Variants in AP3S1 observed in about 807,000 individuals in gnomAD.
AP3S1 encodes AP-3 complex subunit sigma-1.
A neutral mutation model predicts 21.3 loss-of-function variants in AP3S1; 12 were observed. The observed-to-expected ratio is 0.56, with a 90% CI of 0.36 to 0.91. The LOEUF (loss-of-function observed/expected upper bound fraction) is 0.91, where lower values mean the gene tolerates loss of function less well. Among genes scored for constraint, AP3S1 ranks in the 40% least tolerant of loss-of-function variants. The probability of loss-of-function intolerance (pLI) is 0.01; values close to 1 mark genes in which losing one functional copy is unlikely to be tolerated. For synonymous variants in AP3S1, 48 were observed against 78.4 expected, an observed-to-expected ratio of 0.61 and a Z score of 2.05; for missense variants, 116 against 225.0, an observed-to-expected ratio of 0.52 and a Z score of 3.10.
At chr5:115,842,851 A>G (rs1223786460) in intron 1 of AP3S1, among the ~76,000 whole-genome samples, 1 of 152,168 alleles carries the variant, frequency 6.6e-6, no homozygotes, top group Admixed American at 6.5e-5. Context: ...TTTGTAGTTG[A>G]CTGATTGGAG....
chr5:115,887,357 T>A, intron 3 of AP3S1, among the ~76,000 whole-genome samples: 1 of 31,972 alleles, frequency 3.1e-5, no homozygotes, highest in Admixed American at 5.2e-4. Flanking sequence ...AACATGTCAG[T>A]GTAACCCTTT....
intron 3 of AP3S1, among the ~76,000 whole-genome samples, chr5:115,893,246 C>T (rs1451394828): frequency 6.6e-6 from 1 of 152,064 alleles, no homozygotes; most frequent in Admixed American, 6.5e-5. Flanking sequence ...CATGACATTA[C>T]CAGCAAAAGT....
At chr5:115,898,096 T>C (rs1349111607) in intron 4 of AP3S1, among the ~76,000 whole-genome samples, 2 of 152,194 alleles carry the variant, frequency 1.3e-5, no homozygotes, top group East Asian at 3.8e-4. Flanking sequence ...CCACATGCTG[T>C]CATTTTGGGA....
intron 1 of AP3S1, among the ~76,000 whole-genome samples, chr5:115,844,458 C>G: frequency 6.6e-6 from 1 of 152,122 alleles, no homozygotes; most frequent in Non-Finnish European, 1.5e-5. Flanking sequence ...GGCATTTGAG[C>G]AAAGACTTGA....
chr5:115,900,309 G>T (rs1394577985), intron 4 of AP3S1, among the ~76,000 whole-genome samples: 1 of 152,042 alleles, frequency 6.6e-6, no homozygotes, highest in Non-Finnish European at 1.5e-5. Context: ...TAATATATTT[G>T]ATTTGTTTTA....
intron 3 of AP3S1, among the ~76,000 whole-genome samples, chr5:115,885,209 T>C (rs1749674500): frequency 6.6e-6 from 1 of 152,174 alleles, no homozygotes; most frequent in African/African-American, 2.4e-5. Context: ...AGGATATATG[T>C]ATATATGAAG....
chr5:115,882,114 G>A (rs576730200), intron 3 of AP3S1, among the ~76,000 whole-genome samples: 1 of 151,856 alleles, frequency 6.6e-6, no homozygotes, highest in Non-Finnish European at 1.5e-5. Context: ...CTTTTATCAA[G>A]GCTCTTAGCT....
intron 4 of AP3S1, 21 bp from the exon 5 acceptor site, chr5:115,902,864 A>G (rs369790622): frequency 3.6e-5 from 35 of 969,526 alleles, no homozygotes; most frequent in Non-Finnish European, 4.6e-5. Flanking sequence ...TTATGGGTAT[A>G]TATTCTTTTA....
intron 4 of AP3S1, among the ~76,000 whole-genome samples, chr5:115,899,071 T>C (rs1381988859): frequency 6.6e-6 from 1 of 152,190 alleles, no homozygotes; most frequent in Non-Finnish European, 1.5e-5. Flanking sequence ...TCTATTCTCC[T>C]CTCTGCATTC....
intron 3 of AP3S1, among the ~76,000 whole-genome samples, chr5:115,880,046 A>T (rs1372116668): frequency 6.6e-6 from 1 of 152,046 alleles, no homozygotes; most frequent in Non-Finnish European, 1.5e-5. Flanking sequence ...TGGGATCAGT[A>T]GTGATATCCC....
intron 1 of AP3S1, among the ~76,000 whole-genome samples, chr5:115,862,557 CTG>C (rs912634316): frequency 1.2e-4 from 19 of 152,252 alleles, no homozygotes; most frequent in African/African-American, 4.1e-4. Context: ...TAAATTATAA[CTG>C]TATAAAATTA....
chr5:115,866,311 C>A (rs964223437), intron 1 of AP3S1, among the ~76,000 whole-genome samples: 6 of 152,322 alleles, frequency 3.9e-5, no homozygotes, highest in African/African-American at 1.4e-4. Context: ...CTATTTATAT[C>A]TTTACCTTTC....
chr5:115,874,527 C>T (rs1439688947), intron 3 of AP3S1, among the ~76,000 whole-genome samples: 1 of 151,944 alleles, frequency 6.6e-6, no homozygotes, highest in East Asian at 1.9e-4. Context: ...CAGTCTTATT[C>T]AGTTGTAGCT....
chr5:115,913,781 T>A lies in AP3S1; in HGVS notation c.*291T>A, dbSNP rs1752298151. ...CTCTATGTATTGGCTACTACAGTGT[T>A]TTAAAAAGTGTTTCAGATATTTCTC... On this transcript the variant is annotated 3_prime_UTR_variant, in exon 6 of 6. Coordinates refer to ENST00000316788, the MANE Select transcript of AP3S1 (RefSeq NM_001284.4). 1 of 328,092 alleles carries A rather than the reference T, an allele frequency of 3.0e-6. No homozygotes were observed. The highest frequency in any genetic ancestry group is 5.5e-6 in the Non-Finnish European group (1 of 183,046). 20.3% of individuals were successfully genotyped at this position (328,092 alleles called of 1,614,324 possible).
intron 1 of AP3S1, among the ~76,000 whole-genome samples, chr5:115,843,188 G>A (rs1279317779): frequency 6.6e-6 from 1 of 152,208 alleles, no homozygotes; most frequent in Non-Finnish European, 1.5e-5. Context: ...TGGTATTGTG[G>A]CACTTTGCTT....
chr5:115,855,811 C>G (rs1321715455), intron 1 of AP3S1, among the ~76,000 whole-genome samples: 1 of 151,662 alleles, frequency 6.6e-6, no homozygotes, highest in Non-Finnish European at 1.5e-5. Flanking sequence ...TAACATTTAC[C>G]AGAGTGAATG....
chr5:115,888,035 T>C (rs1014791979), intron 3 of AP3S1, among the ~76,000 whole-genome samples: 1 of 152,158 alleles, frequency 6.6e-6, no homozygotes, highest in African/African-American at 2.4e-5. Flanking sequence ...ATTTAAAATA[T>C]TATTCTTTTT....
intron 5 of AP3S1, among the ~76,000 whole-genome samples, chr5:115,910,306 TTCTC>T (rs1751996222): frequency 6.6e-6 from 1 of 151,556 alleles, no homozygotes; most frequent in Non-Finnish European, 1.5e-5. Flanking sequence ...ATTGAGGCCT[TTCTC>T]TATCACAATA....
At chr5:115,889,920 A>G (rs1423972802) in intron 3 of AP3S1, among the ~76,000 whole-genome samples, 1 of 152,194 alleles carries the variant, frequency 6.6e-6, no homozygotes, top group Non-Finnish European at 1.5e-5. Flanking sequence ...GCAGTCTTAT[A>G]TCAGAGAAGT....
Sources: gnomAD v4.1 joint callset for allele counts (sites outside exome capture counted in the v4.1 genomes callset) on GRCh38, gnomAD v4.1.1 for gene constraint, MANE v1.5 for transcripts, NCBI Gene and HGNC (gene_info 2026-07-23, HGNC 2026-07-21) for gene names.